The following RAD51 variants were observed in gnomAD, a reference collection of about 807,000 sequenced individuals.
RAD51 encodes RAD51 recombinase.
A neutral mutation model predicts 41.5 loss-of-function variants in RAD51; 14 were observed. The observed-to-expected ratio is 0.34, with a 90% CI of 0.22 to 0.53. The LOEUF (loss-of-function observed/expected upper bound fraction) is 0.53. Ranked by LOEUF, RAD51 falls within the 20% of genes least tolerant of loss-of-function variation. RAD51 has a pLI of 0.95. For missense variants in RAD51, 234 were observed against 422.0 expected (o/e 0.55, Z 3.90); for synonymous variants, 136 against 148.6 (o/e 0.92, Z 0.62).
intron 4 of RAD51, 69 bp downstream of exon 4, chr15:40,706,363 GAA>G: frequency 8.0e-7 from 1 of 1,242,966 alleles, no homozygotes; most frequent in East Asian, 2.3e-5. Flanking sequence ...AAACAAAACT[GAA>G]ATATTTGTGT....
At chr15:40,713,605 C>A (rs1895829347) in intron 5 of RAD51, among the ~76,000 whole-genome samples, 1 of 136,724 alleles carries the variant, frequency 7.3e-6, no homozygotes, top group Admixed American at 7.2e-5. Flanking sequence ...CAAAATGTTA[C>A]AATTTTTTTT....
rs917422321 is a variant in RAD51 at position 40,716,643 on chromosome 15, T to G, written c.436-2162T>G. Among the ~76,000 whole-genome samples the G allele has an allele frequency of 7.4e-5, 11 of 147,938 alleles. No individual in the cohort carries two copies. In the East Asian group the frequency reaches 2.0e-3, roughly 27 times the overall value. ...GATTACAGGTGTGAGCCCCCATGCC[T>G]GGCCTCTCTACTTCTTTTTTTTTTT... On this transcript the variant is annotated intron_variant, in intron 5 of 9. Coordinates refer to ENST00000267868, the MANE Select transcript of RAD51 (RefSeq NM_002875.5).
At chr15:40,723,534 G>T (rs1267612738) in intron 6 of RAD51, among the ~76,000 whole-genome samples, 4 of 152,160 alleles carry the variant, frequency 2.6e-5, no homozygotes, top group Admixed American at 6.6e-5. Flanking sequence ...CAACATGGAT[G>T]AGGTTTCAAA....
chr15:40,706,131 G>C, intron 3 of RAD51, 46 bp from the exon 4 acceptor site: 1 of 1,425,334 alleles, frequency 7.0e-7, no homozygotes, highest in Non-Finnish European at 9.9e-7. Flanking sequence ...GATCACTGTG[G>C]TAAGGAATAT....
intron 6 of RAD51, among the ~76,000 whole-genome samples, chr15:40,719,587 CTT>C (rs1036913820): frequency 2.6e-5 from 4 of 152,208 alleles, no homozygotes; most frequent in African/African-American, 9.6e-5. Context: ...AATCCCAACA[CTT>C]TGGGAGGCTG....
intron 9 of RAD51, among the ~76,000 whole-genome samples, chr15:40,730,520 CTTTTTTTTTT>C (rs778467789): frequency 8.8e-6 from 1 of 113,110 alleles, no homozygotes; most frequent in Non-Finnish European, 1.7e-5. Flanking sequence ...AATTTTTTTT[CTTTTTTTTTT>C]TTTTTTTTTG....
chr15:40,728,961 TG>T, intron 7 of RAD51, 137 bp downstream of exon 7: 1 of 773,046 alleles, frequency 1.3e-6, no homozygotes, highest in Non-Finnish European at 2.2e-6. Context: ...TTGACACTCT[TG>T]CTTTGTAGTT....
chr15:40,727,745 T>C (rs926423730), intron 6 of RAD51, among the ~76,000 whole-genome samples: 1 of 152,222 alleles, frequency 6.6e-6, no homozygotes. Context: ...ATTCTTGTTT[T>C]ATTTGGTCAG....
chr15:40,726,900 G>A (rs1426662911), intron 6 of RAD51, among the ~76,000 whole-genome samples: 3 of 136,594 alleles, frequency 2.2e-5, no homozygotes, highest in African/African-American at 8.3e-5. Context: ...GCGACAGAGT[G>A]AGACTCCGTC....
chr15:40,731,187 G>C lies in RAD51; in HGVS notation c.*9G>C. 1 of 1,613,950 alleles carries C rather than the reference G, an allele frequency of 6.2e-7. No homozygotes were observed. The highest frequency in any genetic ancestry group is 1.1e-5 in the South Asian group (1 of 91,074). The stretch of plus-strand genomic sequence containing the variant: ...GAGATGCCAAAGACTGAATCATTGG[G>C]TTTTTCCTCTGTTAAAAACCTTAAG... On this transcript the variant is annotated 3_prime_UTR_variant, in exon 10 of 10. Coordinates refer to ENST00000267868, the MANE Select transcript of RAD51 (RefSeq NM_002875.5).
chr15:40,699,048 A>G (rs1336007275), intron 2 of RAD51, among the ~76,000 whole-genome samples: 1 of 152,222 alleles, frequency 6.6e-6, no homozygotes, highest in East Asian at 1.9e-4. Context: ...TTTGTCAACA[A>G]TTCTCTTCCT....
In RAD51 at chr15:40,706,221, T is replaced by C; in HGVS notation, c.270T>C (p.Thr90=). 4 of 1,614,212 alleles carry C rather than the reference T, an allele frequency of 2.5e-6. No individual in the cohort carries two copies. Among genetic ancestry groups the C allele is most frequent in the Non-Finnish European group, 2.5e-6 (3 of 1,180,038 alleles). The part of the protein sequence containing the change: ...KLVPMGFTTA[T]EFHQRRSEII... ...TTCCAATGGGTTTCACCACTGCAAC[T>C]GAATTCCACCAAAGGCGGTCAGAGA... The change falls in exon 4 of 10, where the codon ACT becomes ACC. Residue 90 remains threonine, a synonymous_variant. Coordinates refer to ENST00000267868, the MANE Select transcript of RAD51 (RefSeq NM_002875.5).
At position 40,730,951 on chromosome 15, in the gene RAD51, T is replaced by C; in HGVS notation, c.897-104T>C. 2.1e-6 allele frequency: 3 copies of C among 1,455,764 alleles called. 1 individual carries two copies. In the South Asian group the frequency reaches 3.6e-5, roughly 17 times the overall value. The allele number at this position is 1,455,764 out of a possible 1,614,324, so 90.2% of individuals were successfully genotyped here. A position where few individuals can be genotyped will look rare whatever the true frequency, so the allele number is the denominator to read the frequency against. ...TACAGAAACATTCCCAGGGTCCTTCTAGGAAGAATATATGTCTAAAAAATT... is the reference window on the plus strand; with the variant it reads ...TACAGAAACATTCCCAGGGTCCTTCCAGGAAGAATATATGTCTAAAAAATT... On this transcript the variant is annotated intron_variant, in intron 9 of 9. Coordinates refer to ENST00000267868, the MANE Select transcript of RAD51 (RefSeq NM_002875.5).
At chr15:40,724,889 A>ATTTTTTTTTTTTTTTTT (rs34086110) in intron 6 of RAD51, among the ~76,000 whole-genome samples, 1 of 55,410 alleles carries the variant, frequency 1.8e-5, no homozygotes, top group African/African-American at 8.4e-5. Context: ...ATTTTTTTTA[A>ATTTTTTTTTTTTTTTTT]TTTTTTTTTT....
intron 8 of RAD51, 105 bp from the exon 9 acceptor site, chr15:40,729,748 G>A (rs1273478564): frequency 6.2e-7 from 1 of 1,610,282 alleles, no homozygotes; most frequent in African/African-American, 1.3e-5. Flanking sequence ...TTAGGAAGAA[G>A]AGAGACATTA....
rs368175750 is a variant in RAD51, at chr15:40,696,185, TTTTG to T, written c.-3+776_-3+779del. Among the ~76,000 whole-genome samples, 497 of 152,094 alleles carry T rather than the reference TTTTG, an allele frequency of 3.3e-3. 2 individuals are homozygous for T. The highest frequency in any genetic ancestry group is 8.3e-3 in the African/African-American group (343 of 41,544). ...GAGCCACAGCGCCTGGCCCCTGTTT[TTTTG>T]TTTGTTTGTTTGTTTTTAACTTCTA... On this transcript the variant is annotated intron_variant, in intron 1 of 9. Transcript: ENST00000267868.
intron 3 of RAD51, among the ~76,000 whole-genome samples, chr15:40,704,777 C>T (rs1895232087): frequency 6.6e-6 from 1 of 151,060 alleles, no homozygotes; most frequent in African/African-American, 2.4e-5. Flanking sequence ...TCAAGTGATT[C>T]TTCCACCTCA....
Position 40,731,334 on chromosome 15 carries a change from A to G in RAD51, c.*156A>G. 1.1e-6 allele frequency: 1 copy of G among 902,864 alleles called. No individual in the cohort carries two copies. Among genetic ancestry groups the G allele is most frequent in the South Asian group, 1.5e-5 (1 of 68,670 alleles). The allele number at this position is 902,864 out of a possible 1,614,324, so 55.9% of individuals were successfully genotyped here. The stretch of plus-strand genomic sequence containing the variant: ...TATATCAGCTTTTCTGATGGTATAA[A>G]CAGGAGACAGGTCAGTAGTCACAAA... On this transcript the variant is annotated 3_prime_UTR_variant, in exon 10 of 10. Coordinates refer to ENST00000267868, the MANE Select transcript of RAD51 (RefSeq NM_002875.5).
chr15:40,704,670 ATTT>A lies in RAD51; in HGVS notation c.226-1492_226-1490del, dbSNP rs34658879. On this transcript the variant is annotated intron_variant, in intron 3 of 9. Coordinates refer to ENST00000267868, the MANE Select transcript of RAD51 (RefSeq NM_002875.5). ...CACCATGCCCAGCCATGCCCTACTA[ATTT>A]TTTTTTTTTTTTTTGAGATGGAATC... Among the ~76,000 whole-genome samples, 615 of 133,266 alleles carry A rather than the reference ATTT, an allele frequency of 4.6e-3. 4 individuals are homozygous for A. The highest frequency in any genetic ancestry group is 0.012 in the African/African-American group (438 of 35,374). The allele number at this position is 133,266 out of a possible 152,430, so 87.4% of individuals were successfully genotyped here.
Sources: allele counts gnomAD v4.1 joint callset (sites outside exome capture counted in the v4.1 genomes callset), GRCh38; gene constraint gnomAD v4.1.1; transcripts MANE v1.5; gene names NCBI Gene and HGNC (gene_info 2026-07-23, HGNC 2026-07-21).